PRELID2: variants seen among roughly 807,000 people sequenced by gnomAD.
PRELID2 encodes the protein PRELI domain-containing protein 2.
PRELID2 carries 25 observed loss-of-function variants against 28.4 expected under a neutral mutation model. That is an observed-to-expected ratio of 0.88 (90% CI 0.64 to 1.23). The LOEUF (loss-of-function observed/expected upper bound fraction) is 1.23, where lower values mean the gene tolerates loss of function less well. PRELID2 is among the 50% of genes most tolerant of loss of function. PRELID2 has a pLI of 0.00. For synonymous variants in PRELID2, 76 were observed against 71.6 expected (o/e 1.06, Z -0.31); for missense variants, 201 against 214.4 (o/e 0.94, Z 0.39).
At chr5:145,339,747 C>T in the PRELID2 span, among the ~76,000 whole-genome samples, 1 of 152,156 alleles carries the variant, frequency 6.6e-6, no homozygotes, top group East Asian at 1.9e-4. Context: ...TATCTGCTCC[C>T]GCTGCTCCAG....
chr5:145,421,588 AT>A, the PRELID2 span, among the ~76,000 whole-genome samples: 1 of 138,976 alleles, frequency 7.2e-6, no homozygotes, highest in African/African-American at 2.6e-5. Flanking sequence ...TATCCCCTTT[AT>A]CATTTTTTAT....
chr5:145,652,092 A>T (rs1581028793), intron 1 of PRELID2, among the ~76,000 whole-genome samples: 2 of 152,270 alleles, frequency 1.3e-5, no homozygotes, highest in East Asian at 3.8e-4. Flanking sequence ...ATGGCACGAG[A>T]ACTACATGAT....
chr5:145,360,260 C>T, the PRELID2 span, among the ~76,000 whole-genome samples: 4 of 152,264 alleles, frequency 2.6e-5, no homozygotes, highest in Admixed American at 6.5e-5. Context: ...CGTGGGCATC[C>T]CCCAAAGAGT....
chr5:145,429,197 G>C, the PRELID2 span, among the ~76,000 whole-genome samples: 1 of 152,198 alleles, frequency 6.6e-6, no homozygotes, highest in South Asian at 2.1e-4. Flanking sequence ...AATAATGAAG[G>C]CAAACAGATT....
chr5:145,334,390 C>A, the PRELID2 span, among the ~76,000 whole-genome samples: 2 of 152,176 alleles, frequency 1.3e-5, no homozygotes, highest in African/African-American at 4.8e-5. Flanking sequence ...ATTAATGTCA[C>A]AATTTACATC....
intron 1 of PRELID2, among the ~76,000 whole-genome samples, chr5:145,550,359 C>A (rs1366301466): frequency 1.3e-5 from 2 of 152,084 alleles, no homozygotes; most frequent in Non-Finnish European, 2.9e-5. Flanking sequence ...CCTATTAAAC[C>A]AGACTCTCAG....
the PRELID2 span, among the ~76,000 whole-genome samples, chr5:145,363,072 AC>A: frequency 1.3e-5 from 2 of 151,364 alleles, no homozygotes; most frequent in Admixed American, 6.6e-5. Context: ...AAAAAAAAAA[AC>A]AAGGCCTGCA....
chr5:145,238,256 T>G, the PRELID2 span, among the ~76,000 whole-genome samples: 2 of 152,172 alleles, frequency 1.3e-5, no homozygotes, highest in Admixed American at 6.6e-5. Context: ...AATGCTTCAC[T>G]TATCCATATA....
At chr5:145,425,460 A>G in the PRELID2 span, among the ~76,000 whole-genome samples, 123,296 of 152,172 alleles carry the variant, frequency 0.81, 50,038 homozygotes, top group African/African-American at 0.87. Context: ...GCATGAATAC[A>G]TTAACTGCAG....
At chr5:145,589,733 T>G (rs1340115256) in intron 1 of PRELID2, among the ~76,000 whole-genome samples, 3 of 152,196 alleles carry the variant, frequency 2.0e-5, no homozygotes, top group East Asian at 3.9e-4. Flanking sequence ...TTGTGATTTC[T>G]TATACTGATT....
At chr5:145,651,646 G>T (rs1380883548) in intron 1 of PRELID2, among the ~76,000 whole-genome samples, 1 of 152,082 alleles carries the variant, frequency 6.6e-6, no homozygotes, top group Non-Finnish European at 1.5e-5. Context: ...AGGCAAACAG[G>T]GTCTGGAGTG....
chr5:145,233,949 C>G, the PRELID2 span, among the ~76,000 whole-genome samples: 479 of 152,232 alleles, frequency 3.1e-3, 4 homozygotes, highest in South Asian at 0.023. Flanking sequence ...GTAATGTTTA[C>G]CAACCACACT....
chr5:145,549,619 C>A (rs1752816131), intron 1 of PRELID2, among the ~76,000 whole-genome samples: 1 of 147,078 alleles, frequency 6.8e-6, no homozygotes. Context: ...AAAGTGAAAC[C>A]CCATCTCTAC....
chr5:145,431,540 T>A, the PRELID2 span, among the ~76,000 whole-genome samples: 13 of 152,338 alleles, frequency 8.5e-5, no homozygotes, highest in South Asian at 2.7e-3. Context: ...GTGAACATCA[T>A]CATCAGTAAA....
At chr5:145,478,016 A>G (rs946954883) in intron 1 of PRELID2, among the ~76,000 whole-genome samples, 2 of 152,166 alleles carry the variant, frequency 1.3e-5, no homozygotes, top group African/African-American at 2.4e-5. Context: ...GGGCTAGAAG[A>G]ACCTTAAAGA....
chr5:145,580,713 T>C (rs1217414619), intron 1 of PRELID2, among the ~76,000 whole-genome samples: 2 of 152,058 alleles, frequency 1.3e-5, no homozygotes, highest in African/African-American at 4.8e-5. Flanking sequence ...TGTTCATGAA[T>C]ATCCTGAGAA....
chr5:145,682,533 G>C (rs376832052), intron 1 of PRELID2, among the ~76,000 whole-genome samples: 1 of 152,188 alleles, frequency 6.6e-6, no homozygotes, highest in Non-Finnish European at 1.5e-5. Flanking sequence ...TAACAGGGTA[G>C]AAGGTCAGGA....
chr5:145,639,703 C>T (rs895684830), intron 1 of PRELID2, among the ~76,000 whole-genome samples: 3 of 151,962 alleles, frequency 2.0e-5, no homozygotes, highest in African/African-American at 7.3e-5. Flanking sequence ...TTGGGTTGGG[C>T]CTAAGGGATA....
chr5:145,742,716 C>T (rs906547036), intron 1 of PRELID2, among the ~76,000 whole-genome samples: 1 of 149,684 alleles, frequency 6.7e-6, no homozygotes, highest in Non-Finnish European at 1.5e-5. Flanking sequence ...AAATTAAGCC[C>T]AAAGCAAGCA....
Sources: gnomAD v4.1 joint callset for allele counts (sites outside exome capture counted in the v4.1 genomes callset) on GRCh38, gnomAD v4.1.1 for gene constraint, MANE v1.5 for transcripts, NCBI Gene and HGNC (gene_info 2026-07-23, HGNC 2026-07-21) for gene names.